Variants in TCF12 observed in about 807,000 individuals in gnomAD.
TCF12 encodes DNA-binding protein HTF4.
Under a neutral mutation model 86.0 loss-of-function variants are expected in TCF12, and 45 were observed. That is an observed-to-expected ratio of 0.52 (90% CI 0.41 to 0.67). The LOEUF is 0.67. Among genes scored for constraint, TCF12 ranks in the 30% least tolerant of loss-of-function variants. TCF12 has a pLI of 0.00. For synonymous variants in TCF12, 330 were observed against 299.6 expected (o/e 1.10, Z -1.05); for missense variants, 881 against 859.9 (o/e 1.02, Z -0.31).
At chr15:57,219,225 G>A in intron 8 of TCF12, 4 of 1,118,594 alleles carry the variant, frequency 3.6e-6, no homozygotes, top group Non-Finnish European at 4.4e-6. Context: ...TTTATTCAGG[G>A]CATATTTATT....
At chr15:57,039,397 G>A (rs1173490839) in intron 3 of TCF12, among the ~76,000 whole-genome samples, 1 of 152,138 alleles carries the variant, frequency 6.6e-6, no homozygotes, top group Non-Finnish European at 1.5e-5. Context: ...TTGTTAGCCA[G>A]TTACTTCATT....
chr15:57,141,365 T>C (rs144167599), intron 5 of TCF12, among the ~76,000 whole-genome samples: 7 of 152,234 alleles, frequency 4.6e-5, no homozygotes, highest in Non-Finnish European at 1.0e-4. Context: ...GATTGATTGA[T>C]TGAGATGGGG....
At chr15:57,134,900 T>G (rs2052408923) in intron 5 of TCF12, among the ~76,000 whole-genome samples, 1 of 148,438 alleles carries the variant, frequency 6.7e-6, no homozygotes, top group African/African-American at 2.5e-5. Context: ...TTTTTTTTTT[T>G]GAATAGCTGT....
At chr15:57,033,189 G>A (rs535691002) in intron 3 of TCF12, among the ~76,000 whole-genome samples, 2 of 152,106 alleles carry the variant, frequency 1.3e-5, no homozygotes, top group Non-Finnish European at 2.9e-5. Context: ...GGTAACATTA[G>A]GACTAAAACT....
chr15:56,947,025 T>C (rs1394609191), intron 3 of TCF12, among the ~76,000 whole-genome samples: 1 of 152,164 alleles, frequency 6.6e-6, no homozygotes, highest in Non-Finnish European at 1.5e-5. Context: ...CTTGAACTCC[T>C]GACCTCAAGT....
chr15:57,080,322 T>C (rs1309444820), intron 4 of TCF12, among the ~76,000 whole-genome samples: 4 of 152,222 alleles, frequency 2.6e-5, no homozygotes, highest in Non-Finnish European at 5.9e-5. Flanking sequence ...AGAGAAACTG[T>C]ATACTGTACA....
intron 4 of TCF12, among the ~76,000 whole-genome samples, chr15:57,076,526 G>A (rs1371975218): frequency 6.6e-6 from 1 of 151,724 alleles, no homozygotes; most frequent in African/African-American, 2.4e-5. Context: ...GGTGGCAGGC[G>A]CCTGTAGTCC....
chr15:57,224,303 C>T (rs1362067041), intron 8 of TCF12, among the ~76,000 whole-genome samples: 10 of 152,056 alleles, frequency 6.6e-5, no homozygotes, highest in African/African-American at 2.4e-4. Flanking sequence ...AAACAAGTTT[C>T]AAACCCTGTC....
chr15:57,118,654 ATG>A (rs2051010122), intron 5 of TCF12, among the ~76,000 whole-genome samples: 2 of 152,126 alleles, frequency 1.3e-5, no homozygotes, highest in South Asian at 4.1e-4. Context: ...TTGTGCATAT[ATG>A]TGTTACTTCT....
chr15:56,930,472 G>A (rs80036714), intron 3 of TCF12, among the ~76,000 whole-genome samples: 6,136 of 152,208 alleles, frequency 0.04, 366 homozygotes, highest in Admixed American at 0.17. Flanking sequence ...CATGTGGTCC[G>A]GAGGCCCATT....
In TCF12 at chr15:57,209,228, G is replaced by A. The variant is rs957700765; in HGVS notation, c.579+11403G>A. Among the ~76,000 whole-genome samples the A allele has an allele frequency of 2.0e-5, 3 of 151,984 alleles. No individual in the cohort carries two copies. The South Asian group carries it at 6.2e-4, about 32-fold the overall frequency. On this transcript the variant is annotated intron_variant, in intron 8 of 20. Transcript: ENST00000333725. ...GTTCAAACCTTCAATATGTTAACTG[G>A]CCTTCTTTGTATAAGAAACTGAATT...
chr15:57,243,653 T>A (rs2591070), intron 13 of TCF12, 103 bp downstream of exon 13: 1 of 1,019,028 alleles, frequency 9.8e-7, no homozygotes, highest in African/African-American at 1.6e-5. Flanking sequence ...TGAAAAATCA[T>A]TTAGATTTTG....
At chr15:57,170,689 A>ATT (rs71113072) in intron 6 of TCF12, among the ~76,000 whole-genome samples, 13,578 of 22,546 alleles carry the variant, frequency 0.6, 3,083 homozygotes, top group African/African-American at 0.67. Context: ...TATTATATAT[A>ATT]ATATATATTA....
intron 15 of TCF12, 80 bp downstream of exon 15, chr15:57,252,572 G>A (rs1470197886): frequency 2.6e-6 from 3 of 1,167,350 alleles, no homozygotes; most frequent in African/African-American, 3.1e-5. Flanking sequence ...TCTTTAAGCT[G>A]TACAGACTCC....
intron 12 of TCF12, among the ~76,000 whole-genome samples, chr15:57,242,557 C>T (rs2059681545): frequency 6.6e-6 from 1 of 152,106 alleles, no homozygotes; most frequent in African/African-American, 2.4e-5. Flanking sequence ...GTCTGAGCTA[C>T]TAGGGAAGCT....
intron 5 of TCF12, among the ~76,000 whole-genome samples, chr15:57,159,708 C>A (rs2054359453): frequency 1.4e-4 from 1 of 7,168 alleles, no homozygotes; most frequent in Non-Finnish European, 9.5e-4. Flanking sequence ...TAAGAAAAAC[C>A]AGTCTAATAC....
rs189216006 is a variant in TCF12, at chr15:57,012,878, T to G, written c.149-50872T>G. Among the ~76,000 whole-genome samples, 165 of 152,342 alleles carry G rather than the reference T, an allele frequency of 1.1e-3. 2 individuals carry two copies. The highest frequency in any genetic ancestry group is 6.2e-3 in the Admixed American group (95 of 15,300). ...TCTTTGCTTATTTTTCTTTCTAGTT[T>G]CCCTTATGCTTCAGGGATCAGTTAT... is the stretch of plus-strand genomic sequence containing the variant. On this transcript the variant is annotated intron_variant, in intron 3 of 20. Coordinates refer to ENST00000333725, the MANE Select transcript of TCF12 (RefSeq NM_207037.2).
intron 3 of TCF12, among the ~76,000 whole-genome samples, chr15:56,935,597 A>G (rs1257798077): frequency 6.6e-6 from 1 of 152,140 alleles, no homozygotes; most frequent in Non-Finnish European, 1.5e-5. Context: ...TACACTGAAC[A>G]CAATATGTAG....
intron 12 of TCF12, among the ~76,000 whole-genome samples, chr15:57,242,677 G>A (rs948955701): frequency 6.6e-6 from 1 of 152,084 alleles, no homozygotes; most frequent in African/African-American, 2.4e-5. Flanking sequence ...CAAAAAAAGT[G>A]TTCACTCTTG....
Sources: allele counts gnomAD v4.1 joint callset (sites outside exome capture counted in the v4.1 genomes callset), GRCh38; gene constraint gnomAD v4.1.1; transcripts MANE v1.5; gene names NCBI Gene and HGNC (gene_info 2026-07-23, HGNC 2026-07-21).